Variants in PRAG1 observed in about 807,000 individuals in gnomAD.
The protein encoded by PRAG1 is inactive tyrosine-protein kinase PRAG1.
A neutral mutation model predicts 95.6 loss-of-function variants in PRAG1; 110 were observed. The observed-to-expected ratio is 1.15, with a 90% CI of 0.99 to 1.35. PRAG1 has a LOEUF of 1.35. PRAG1 is among the 40% of genes most tolerant of loss of function. The pLI is 0.00. For missense variants in PRAG1, 2,554 were observed against 1,864.7 expected (o/e 1.37, Z -6.81); for synonymous variants, 1,052 against 819.4 (o/e 1.28, Z -4.85).
chr8:8,327,813 G>T lies in PRAG1; in HGVS notation c.2969C>A (p.Ser990Ter). Reference protein sequence around the residue: ...KELHFNENNWSLFKLTCNKPC... With the variant: ...KELHFNENNW ...CTTGTTACAAGTCAGCTTGAAGAGC[G>T]ACCAGTTATTCTCATTGAAGTGGAG... Residue 990 changes from serine (S) to a stop codon, truncating the protein, a stop_gained, in exon 5 of 6, where the codon TCG (serine) becomes TAG (stop). Coordinates refer to ENST00000615670, the MANE Select transcript of PRAG1 (RefSeq NM_001080826.3). LOFTEE classifies it high-confidence loss of function. 6.2e-7 allele frequency: 1 copy of T among 1,614,176 alleles called. No homozygotes were observed. Among genetic ancestry groups the T allele is most frequent in the South Asian group, 1.1e-5 (1 of 91,070 alleles).
chr8:8,382,985 G>C (rs902194138), intron 1 of PRAG1, among the ~76,000 whole-genome samples: 1 of 152,148 alleles, frequency 6.6e-6, no homozygotes, highest in African/African-American at 2.4e-5. Context: ...CCCATAAGGA[G>C]AATGTTCAAG....
intron 3 of PRAG1, among the ~76,000 whole-genome samples, chr8:8,358,338 C>T (rs1157198852): frequency 6.6e-6 from 1 of 152,200 alleles, no homozygotes. Flanking sequence ...TATTCAGAAA[C>T]TCTCTGAACT....
intron 3 of PRAG1, among the ~76,000 whole-genome samples, chr8:8,351,634 C>G (rs1799526126): frequency 6.6e-6 from 1 of 152,192 alleles, no homozygotes; most frequent in African/African-American, 2.4e-5. Flanking sequence ...TTTGTGTGTT[C>G]AAGAACTAGA....
At chr8:8,320,986 G>A (rs1450907555) in intron 5 of PRAG1, among the ~76,000 whole-genome samples, 2 of 152,218 alleles carry the variant, frequency 1.3e-5, no homozygotes, top group Admixed American at 6.5e-5. Context: ...TAATAAAAAG[G>A]AAAGACATTT....
Position 8,377,540 on chromosome 8 carries a change from T to C in PRAG1, c.869A>G (p.Glu290Gly). 1.9e-6 allele frequency: 3 copies of C among 1,592,634 alleles called. No homozygotes were observed. The highest frequency in any genetic ancestry group is 2.6e-6 in the Non-Finnish European group (3 of 1,168,266). ...GGRDCSPTCW[E>G]QGKCSGPAEQ... ...TGCGGGCCCGGAACACTTCCCCTGC[T>C]CCCAGCACGTGGGTGAGCAGTCCCT... Residue 290 changes from glutamate to glycine, a missense_variant, in exon 3 of 6, where the codon GAG becomes GGG. Transcript: ENST00000615670.
At chr8:8,359,547 C>G (rs1346638956) in intron 3 of PRAG1, among the ~76,000 whole-genome samples, 1 of 152,166 alleles carries the variant, frequency 6.6e-6, no homozygotes, top group Non-Finnish European at 1.5e-5. Context: ...TATGACCCGT[C>G]TGATTACTTG....
chr8:8,360,536 T>C (rs1047921775), intron 3 of PRAG1, among the ~76,000 whole-genome samples: 3 of 152,194 alleles, frequency 2.0e-5, no homozygotes, highest in African/African-American at 7.2e-5. Context: ...TCTTTCCTCA[T>C]CTCTCCTCAA....
At position 8,318,482 on chromosome 8, in the gene PRAG1, G is replaced by A. The variant is rs755411439; in HGVS notation, c.3893C>T (p.Pro1298Leu). Residue 1298 changes from proline to leucine, a missense_variant, in exon 6 of 6, where the codon CCC becomes CTC. Pro to Leu is a moderately conservative substitution (Grantham distance 98). Transcript: ENST00000615670. This position sits in a 1 kb window ranked among gnomAD's most constrained non-coding sequence, Gnocchi z 4.2. ...CAGATGTGCCAGCTGCTGCAGGCCG[G>A]GTGAGTAGAGGGACAGCGCGGGCAG... is the stretch of plus-strand genomic sequence containing the variant. Reference protein sequence around the residue: ...PPLPALSLYSPGLQQLAHLLL... With the variant: ...PPLPALSLYSLGLQQLAHLLL... 6.2e-7 allele frequency: 1 copy of A among 1,612,312 alleles called. No homozygotes were observed. The highest frequency in any genetic ancestry group is 1.1e-5 in the South Asian group (1 of 91,058).
Position 8,381,851 on chromosome 8 carries a change from G to C in PRAG1, c.-87-17C>G. 1 of 874,332 alleles carries C rather than the reference G, an allele frequency of 1.1e-6. No individual in the cohort carries two copies. Among genetic ancestry groups the C allele is most frequent in the Non-Finnish European group, 1.7e-6 (1 of 584,502 alleles). The allele number at this position is 874,332 out of a possible 1,614,324, so 54.2% of individuals were successfully genotyped here. A position where few individuals can be genotyped will look rare whatever the true frequency, so the allele number is the denominator to read the frequency against. The stretch of plus-strand genomic sequence containing the variant: ...AGCGGCTTCCTAGAAAGGCAGGACA[G>C]TTTCCTGATTAGAGATTTGCCATGC... On this transcript the variant is annotated splice_polypyrimidine_tract_variant and intron_variant, in intron 1 of 5. Coordinates refer to ENST00000615670, the MANE Select transcript of PRAG1 (RefSeq NM_001080826.3).
In PRAG1 at chr8:8,318,704, G is replaced by T; in HGVS notation, c.3671C>A (p.Pro1224Gln). 6.2e-7 allele frequency: 1 copy of T among 1,610,156 alleles called. No homozygotes were observed. Among genetic ancestry groups the T allele is most frequent in the South Asian group, 1.1e-5 (1 of 91,014 alleles). ...CTGCTGCAGGTTTGGGGTGCCGCCC[G>T]GCTTCTGCTTGGCCTTCAAAAAGTT... ...ISNFLKAKQK[P>Q]GGTPNLQQKK... Residue 1224 changes from proline to glutamine, a missense_variant, in exon 6 of 6, where the codon CCG becomes CAG. Physicochemically the swap from Pro to Gln is moderately conservative, Grantham distance 76. Coordinates refer to ENST00000615670, the MANE Select transcript of PRAG1 (RefSeq NM_001080826.3). This position sits in a 1 kb window ranked among gnomAD's most constrained non-coding sequence, Gnocchi z 4.2.
At chr8:8,375,737 C>A (rs531573836) in intron 3 of PRAG1, among the ~76,000 whole-genome samples, 2 of 152,062 alleles carry the variant, frequency 1.3e-5, no homozygotes, top group Non-Finnish European at 2.9e-5. Context: ...GTTACCTAGG[C>A]TGGTCTCAAA....
intron 3 of PRAG1, among the ~76,000 whole-genome samples, chr8:8,342,969 C>G (rs1420030274): frequency 6.6e-6 from 1 of 151,662 alleles, no homozygotes; most frequent in Non-Finnish European, 1.5e-5. Flanking sequence ...TGAAAAAAAA[C>G]AAACCTTGGA....
rs1389685713 is a variant in PRAG1 at position 8,377,205 on chromosome 8, G to A, written c.1204C>T (p.His402Tyr). The A allele has an allele frequency of 6.2e-7, 1 of 1,611,856 alleles. No individual in the cohort carries two copies. Among genetic ancestry groups the A allele is most frequent in the Admixed American group, 1.7e-5 (1 of 59,974 alleles). ...TCAGGCTGTGTAGCCTCCCGGGGGTGGGCCGGGGGCTGGGGCTCCCCCGTC... is the reference window on the plus strand; with the variant it reads ...TCAGGCTGTGTAGCCTCCCGGGGGTAGGCCGGGGGCTGGGGCTCCCCCGTC... ...GLTGEPQPPAHPREATQPEPI... is the reference protein window; with the variant it reads ...GLTGEPQPPAYPREATQPEPI... The change falls in exon 3 of 6, where the codon CAC becomes TAC. Residue 402 changes from histidine to tyrosine, a missense_variant. His to Tyr is a moderately conservative substitution (Grantham distance 83). Transcript: ENST00000615670.
At chr8:8,321,412 C>G (rs1264671463) in intron 5 of PRAG1, among the ~76,000 whole-genome samples, 3 of 152,174 alleles carry the variant, frequency 2.0e-5, no homozygotes, top group Non-Finnish European at 4.4e-5. Context: ...TGGCAGGCTT[C>G]TGGAGCACTA....
chr8:8,353,885 G>A lies in PRAG1; in HGVS notation c.2163-14250C>T, dbSNP rs562217640. Among the ~76,000 whole-genome samples, 10 of 151,970 alleles carry A rather than the reference G, an allele frequency of 6.6e-5. No homozygotes were observed. The South Asian group carries it at 8.3e-4, about 13-fold the overall frequency. ...AGTAGTAGTGGTAGTAGTAGAAGAGGAAGAGGAAGACCACCCATTGCACAA... is the reference window on the plus strand; with the variant it reads ...AGTAGTAGTGGTAGTAGTAGAAGAGAAAGAGGAAGACCACCCATTGCACAA... On this transcript the variant is annotated intron_variant, in intron 3 of 5. Coordinates refer to ENST00000615670, the MANE Select transcript of PRAG1 (RefSeq NM_001080826.3).
chr8:8,318,899 T>G lies in PRAG1; in HGVS notation c.3476A>C (p.Gln1159Pro), dbSNP rs1798378587. 2 of 1,573,568 alleles carry G rather than the reference T, an allele frequency of 1.3e-6. No homozygotes were observed. The highest frequency in any genetic ancestry group is 1.7e-6 in the Non-Finnish European group (2 of 1,158,748). ...ENLLLVHCTL[Q>P]AGPGPAPAPA... The stretch of plus-strand genomic sequence containing the variant: ...GGCGGGGGCGGGCCCGGGGCCGGCC[T>G]GGAGGGTGCAGTGCACCAGCAGCAG... Residue 1159 changes from glutamine (Q) to proline (P), a missense_variant, in exon 6 of 6, where the codon CAG becomes CCG. Transcript: ENST00000615670. The surrounding 1 kb of genome is among the most constrained non-coding windows in gnomAD (Gnocchi z 4.2).
chr8:8,355,811 G>C (rs1338253802), intron 3 of PRAG1, among the ~76,000 whole-genome samples: 1 of 152,100 alleles, frequency 6.6e-6, no homozygotes, highest in Non-Finnish European at 1.5e-5. Flanking sequence ...AGGACCTGAA[G>C]TCATAAAACT....
At chr8:8,383,746 C>G (rs1313489796) in intron 1 of PRAG1, among the ~76,000 whole-genome samples, 2 of 152,130 alleles carry the variant, frequency 1.3e-5, no homozygotes, top group African/African-American at 2.4e-5. Context: ...CAAATACACC[C>G]AAGTAGCAGG....
At chr8:8,366,544 C>T (rs939964428) in intron 3 of PRAG1, among the ~76,000 whole-genome samples, 2 of 151,056 alleles carry the variant, frequency 1.3e-5, no homozygotes, top group African/African-American at 4.9e-5. Context: ...GAACTCCTGA[C>T]CTCAGATGAT....
Sources: allele counts gnomAD v4.1 joint callset (sites outside exome capture counted in the v4.1 genomes callset), GRCh38; gene constraint gnomAD v4.1.1; non-coding constraint Gnocchi (gnomAD v3.1); transcripts MANE v1.5; gene names NCBI Gene and HGNC (gene_info 2026-07-23, HGNC 2026-07-21).